SEC14L5: variants seen among roughly 807,000 people sequenced by gnomAD.
The protein encoded by SEC14L5 is SEC14 like lipid binding 5.
In SEC14L5, 96 loss-of-function variants were observed where a neutral mutation model predicts 84.6. That is an observed-to-expected ratio of 1.13 (90% CI 0.96 to 1.34). SEC14L5 has a LOEUF of 1.34. Ranked by LOEUF, SEC14L5 falls within the 40% of genes most tolerant of loss-of-function variation. The pLI is 0.00. For missense variants in SEC14L5, 1,224 were observed against 942.5 expected (o/e 1.30, Z -3.91); for synonymous variants, 546 against 383.4 (o/e 1.42, Z -4.95).
chr16:4,965,873 C>G (rs1452024243), intron 2 of SEC14L5, among the ~76,000 whole-genome samples: 6 of 151,632 alleles, frequency 4.0e-5, no homozygotes, highest in Non-Finnish European at 2.9e-5. Context: ...GAGTCCCCAT[C>G]TCTACCAAAA....
chr16:4,997,052 C>A lies in SEC14L5; in HGVS notation c.970+8C>A. On this transcript the variant is annotated splice_region_variant and intron_variant, in intron 8 of 15. Coordinates refer to ENST00000251170, the MANE Select transcript of SEC14L5 (RefSeq NM_014692.2). Reference sequence around the variant, plus strand: ...GGCATTACCAGGACATAGGTGCGTGCCTCCACCCACATCATGTATAGGGCA... The same window carrying A: ...GGCATTACCAGGACATAGGTGCGTGACTCCACCCACATCATGTATAGGGCA... 6.3e-7 allele frequency: 1 copy of A among 1,593,424 alleles called. No homozygotes were observed.
rs1250467733 is a variant in SEC14L5 at position 5,015,081 on chromosome 16, C to G, written c.*111C>G. ...GACCATGTGGGCTGGAGCCCCAGGC[C>G]TAGATGCTGCCCAAGTTGGGGTGTC... On this transcript the variant is annotated 3_prime_UTR_variant, in exon 16 of 16. Coordinates refer to ENST00000251170, the MANE Select transcript of SEC14L5 (RefSeq NM_014692.2). 1.2e-6 allele frequency: 1 copy of G among 806,982 alleles called. No individual in the cohort carries two copies. Among genetic ancestry groups the G allele is most frequent in the African/African-American group, 1.7e-5 (1 of 58,588 alleles). 50.0% of individuals were successfully genotyped at this position (806,982 alleles called of 1,614,324 possible).
intron 14 of SEC14L5, among the ~76,000 whole-genome samples, chr16:5,009,693 A>G (rs965610940): frequency 1.3e-5 from 2 of 152,082 alleles, no homozygotes; most frequent in African/African-American, 4.8e-5. Flanking sequence ...CTGGCTGGAC[A>G]TGAATTTTGG....
chr16:4,960,734 G>C (rs10153168), intron 2 of SEC14L5: 168 of 152,238 alleles, frequency 1.1e-3, no homozygotes, highest in African/African-American at 3.8e-3. Context: ...TCCAAATCCT[G>C]GTGTCATGCT....
rs1955741844 is a variant in SEC14L5 at position 5,007,271 on chromosome 16, G to T, written c.1438-81G>T. On this transcript the variant is annotated intron_variant, in intron 12 of 15. Transcript: ENST00000251170. ...GTTGCAATTATGAGTGGCTTTGGGG[G>T]TCACACATCACCCTTCTGTGGGTCA... The T allele has an allele frequency of 3.6e-6, 5 of 1,381,090 alleles. No individual in the cohort carries two copies. The South Asian group carries it at 6.7e-5, about 19-fold the overall frequency. The allele number at this position is 1,381,090 out of a possible 1,614,324, so 85.6% of individuals were successfully genotyped here.
intron 2 of SEC14L5, among the ~76,000 whole-genome samples, chr16:4,978,688 C>T (rs1045721962): frequency 3.3e-5 from 5 of 151,868 alleles, no homozygotes; most frequent in African/African-American, 4.8e-5. Context: ...CTGCAAGCTC[C>T]GCCTCCTGGG....
intron 8 of SEC14L5, among the ~76,000 whole-genome samples, chr16:4,998,298 C>A (rs1031791834): frequency 2.6e-5 from 4 of 151,464 alleles, no homozygotes; most frequent in Admixed American, 1.3e-4. Flanking sequence ...TGAGCCACTG[C>A]ACCCAGGCAT....
intron 2 of SEC14L5, among the ~76,000 whole-genome samples, chr16:4,968,257 G>T (rs1288326063): frequency 1.3e-5 from 2 of 151,554 alleles, no homozygotes; most frequent in Non-Finnish European, 2.9e-5. Flanking sequence ...TCGGCTCACT[G>T]AAACCTCTGC....
At chr16:5,007,299 C>T (rs1468986238) in intron 12 of SEC14L5, 53 bp from the exon 13 acceptor site, 2 of 1,580,426 alleles carry the variant, frequency 1.3e-6, no homozygotes, top group Non-Finnish European at 1.7e-6. Flanking sequence ...GTGGGTCAGG[C>T]CAGCCAGGCC....
intron 2 of SEC14L5, among the ~76,000 whole-genome samples, chr16:4,979,922 C>T (rs1345236854): frequency 2.6e-5 from 4 of 152,206 alleles, no homozygotes; most frequent in Non-Finnish European, 5.9e-5. Flanking sequence ...AGGTCCCCTG[C>T]TTTGCGAGTT....
chr16:4,990,736 G>A (rs752432025), intron 4 of SEC14L5, 31 bp from the exon 5 acceptor site: 29 of 1,587,242 alleles, frequency 1.8e-5, no homozygotes, highest in Non-Finnish European at 2.3e-5. Context: ...CCGACATTGA[G>A]TCCCTGGCAT....
chr16:5,018,666 A>AG lies in SEC14L5; in HGVS notation c.*3697dup, dbSNP rs1567134287. Reference sequence around the variant, plus strand: ...CAAAGCAAGACCCTGTCTCAAAAAAAGAAGAAAGAAGCTGCTTGTGTTTTC... The same window carrying AG: ...CAAAGCAAGACCCTGTCTCAAAAAAAGGAAGAAAGAAGCTGCTTGTGTTTTC... On this transcript the variant is annotated 3_prime_UTR_variant, in exon 16 of 16. Transcript: ENST00000251170. The AG allele has an allele frequency of 6.6e-6, 1 of 152,184 alleles. No individual in the cohort carries two copies. Among genetic ancestry groups the AG allele is most frequent in the Non-Finnish European group, 1.5e-5 (1 of 68,046 alleles). 9.4% of individuals were successfully genotyped at this position (152,184 alleles called of 1,614,324 possible).
chr16:4,972,995 A>G (rs1955298548), intron 2 of SEC14L5, among the ~76,000 whole-genome samples: 1 of 152,216 alleles, frequency 6.6e-6, no homozygotes, highest in South Asian at 2.1e-4. Context: ...TGTGCTAGGC[A>G]TTTTTGCAAA....
Position 4,993,077 on chromosome 16 carries a change from C to A in SEC14L5, c.667+1047C>A, listed in dbSNP as rs1955569208. On this transcript the variant is annotated intron_variant, in intron 6 of 15. Transcript: ENST00000251170. ...ATTTATTTAGAGACAGGGTCTTGCT[C>A]TGTTGCCCAGCTTGGTATGCAGTGG... 1.3e-5 allele frequency among the ~76,000 whole-genome samples: 2 copies of A among 151,958 alleles called. 1 individual carries two copies. The highest frequency in any genetic ancestry group is 1.3e-4 in the Admixed American group (2 of 15,240).
In SEC14L5 at chr16:5,003,541, GC is replaced by G. The variant is rs981004565; in HGVS notation, c.1276del (p.Arg426GlufsTer9). On this transcript the variant is annotated frameshift_variant, in exon 11 of 16. Coordinates refer to ENST00000251170, the MANE Select transcript of SEC14L5 (RefSeq NM_014692.2). LOFTEE classifies it high-confidence loss of function. ...ETLGRLLIVR[A>X]PRVFPVLWTL... Reference sequence around the variant, plus strand: ...CCTGGGTCGGCTGCTCATCGTGCGAGCCCCCCGAGTCTTCCCCGTGCTCTGG... The same window carrying G: ...CCTGGGTCGGCTGCTCATCGTGCGAGCCCCCGAGTCTTCCCCGTGCTCTGG... 33 of 1,334,894 alleles carry G rather than the reference GC, an allele frequency of 2.5e-5. No homozygotes were observed. Among genetic ancestry groups the G allele is most frequent in the Non-Finnish European group, 2.9e-5 (29 of 1,016,050 alleles). The allele number at this position is 1,334,894 out of a possible 1,614,324, so 82.7% of individuals were successfully genotyped here.
rs1398195908 is a variant in SEC14L5, at chr16:5,011,183, G to C, written c.1889G>C (p.Gly630Ala). 2 of 1,613,766 alleles carry C rather than the reference G, an allele frequency of 1.2e-6. No homozygotes were observed. The highest frequency in any genetic ancestry group is 1.7e-5 in the Admixed American group (1 of 59,986). The change falls in exon 15 of 16, where the codon GGT (glycine) becomes GCT (alanine). Residue 630 changes from glycine to alanine, a missense_variant. Gly to Ala is a moderately conservative substitution (Grantham distance 60). Coordinates refer to ENST00000251170, the MANE Select transcript of SEC14L5 (RefSeq NM_014692.2). ...AGCAGCGTGGCCTGCAGCCTCCCGG[G>C]TGTGGACGATGTCCTGACGGCTCTG... Reference protein sequence around the residue: ...PPSSVACSLPGVDDVLTALHS... With the variant: ...PPSSVACSLPAVDDVLTALHS...
chr16:4,976,307 C>T (rs1404467908), intron 2 of SEC14L5, among the ~76,000 whole-genome samples: 2 of 152,170 alleles, frequency 1.3e-5, no homozygotes, highest in Admixed American at 6.5e-5. Flanking sequence ...GATCCCAACC[C>T]AGGCCCCAGA....
At chr16:5,006,935 C>T (rs6500650) in intron 12 of SEC14L5, among the ~76,000 whole-genome samples, 38,459 of 151,686 alleles carry the variant, frequency 0.25, 5,530 homozygotes, top group Admixed American at 0.37. Context: ...TCGATGAGCA[C>T]GGTGCAGTGA....
intron 4 of SEC14L5, 89 bp downstream of exon 4, chr16:4,988,369 T>G (rs1401517382): frequency 3.3e-6 from 5 of 1,495,400 alleles, no homozygotes; most frequent in Admixed American, 2.0e-5. Context: ...CCACATTCCT[T>G]GAGCCTCTGC....
Sources: gnomAD v4.1 joint callset for allele counts (sites outside exome capture counted in the v4.1 genomes callset) on GRCh38, gnomAD v4.1.1 for gene constraint, MANE v1.5 for transcripts, NCBI Gene and HGNC (gene_info 2026-07-23, HGNC 2026-07-21) for gene names.